KIF9: variants seen among roughly 807,000 people sequenced by gnomAD.
KIF9 encodes kinesin-like protein KIF9.
In KIF9, 68 loss-of-function variants were observed where a neutral mutation model predicts 94.8. The observed-to-expected ratio is 0.72, with a 90% CI of 0.59 to 0.88. The LOEUF is 0.88. KIF9 is among the 40% of genes least tolerant of loss of function. The probability of loss-of-function intolerance (pLI) is 0.00; values close to 1 mark genes in which losing one functional copy is unlikely to be tolerated. For synonymous variants in KIF9, 343 were observed against 362.1 expected (o/e 0.95, Z 0.60); for missense variants, 882 against 982.5 (o/e 0.90, Z 1.37).
At chr3:47,273,733 T>A (rs981607760) in intron 3 of KIF9, 75 bp from the exon 4 acceptor site, 2 of 1,325,782 alleles carry the variant, frequency 1.5e-6, no homozygotes, top group Non-Finnish European at 2.1e-6. Context: ...CCAGCATGCC[T>A]GGTGCCAGCC....
intron 20 of KIF9, 37 bp from the exon 21 acceptor site, chr3:47,228,739 G>C (rs200402501): frequency 6.4e-7 from 1 of 1,571,844 alleles, no homozygotes; most frequent in East Asian, 2.2e-5. Flanking sequence ...GAACTTATTA[G>C]GAGGGACAGA....
intron 10 of KIF9, among the ~76,000 whole-genome samples, chr3:47,250,178 A>T (rs1381360107): frequency 2.6e-5 from 4 of 152,116 alleles, no homozygotes; most frequent in African/African-American, 7.2e-5. Context: ...ACTTTCTGCA[A>T]TTATTGAAAT....
intron 3 of KIF9, among the ~76,000 whole-genome samples, chr3:47,275,026 C>T (rs1399449087): frequency 6.6e-6 from 1 of 152,174 alleles, no homozygotes; most frequent in Non-Finnish European, 1.5e-5. Context: ...TCAAATTTGT[C>T]ATAAAGACGT....
intron 18 of KIF9, 83 bp downstream of exon 18, chr3:47,236,359 AG>A (rs1177340715): frequency 1.4e-6 from 2 of 1,454,226 alleles, no homozygotes; most frequent in South Asian, 1.2e-5. Context: ...AGAAACTCTG[AG>A]GGTGCTTCCA....
intron 1 of KIF9, chr3:47,281,011 A>G: frequency 1.4e-6 from 1 of 703,058 alleles, no homozygotes; most frequent in Non-Finnish European, 2.6e-6. Flanking sequence ...CAGTTCCCAA[A>G]ATTAAATTAC....
chr3:47,242,121 C>T (rs1012992432), intron 16 of KIF9, among the ~76,000 whole-genome samples: 3 of 151,926 alleles, frequency 2.0e-5, no homozygotes, highest in Non-Finnish European at 4.4e-5. Flanking sequence ...TTTAAGCAAT[C>T]CTTTCGCCTT....
intron 9 of KIF9, among the ~76,000 whole-genome samples, chr3:47,260,905 G>A (rs1033557573): frequency 1.3e-5 from 2 of 152,224 alleles, no homozygotes; most frequent in South Asian, 2.1e-4. Flanking sequence ...TGAGGGAGGC[G>A]AGAGCCAGGT....
intron 3 of KIF9, among the ~76,000 whole-genome samples, chr3:47,274,870 C>T (rs1388009806): frequency 6.6e-6 from 1 of 152,252 alleles, no homozygotes; most frequent in Admixed American, 6.5e-5. Flanking sequence ...TCCTAGTCAG[C>T]AGCCACCAGA....
Position 47,236,572 on chromosome 3 carries a change from G to A in KIF9, c.1972C>T (p.Leu658=), listed in dbSNP as rs773949198. ...AGGTCTTTGAGCTTGAGGATCAGCAGGAATTCTTCCTCATCGATGATCATC... is the reference window on the plus strand; with the variant it reads ...AGGTCTTTGAGCTTGAGGATCAGCAAGAATTCTTCCTCATCGATGATCATC... ...GLMIIDEEEF[L]LILKLKDLKK... Residue 658 remains leucine, a synonymous_variant, in exon 18 of 21, where the codon CTG becomes TTG. Coordinates refer to ENST00000684063, the MANE Select transcript of KIF9 (RefSeq NM_182902.4). 6 of 1,613,892 alleles carry A rather than the reference G, an allele frequency of 3.7e-6. No homozygotes were observed. Among genetic ancestry groups the A allele is most frequent in the Non-Finnish European group, 4.2e-6 (5 of 1,180,002 alleles).
intron 20 of KIF9, 85 bp from the exon 21 acceptor site, chr3:47,228,787 C>G: frequency 9.8e-7 from 1 of 1,021,740 alleles, no homozygotes; most frequent in Non-Finnish European, 1.6e-6. Context: ...CACATTCACC[C>G]TATCATTCCT....
intron 15 of KIF9, chr3:47,244,172 CAT>C (rs1239754705): frequency 1.3e-5 from 2 of 152,678 alleles, no homozygotes; most frequent in Non-Finnish European, 2.9e-5. Flanking sequence ...GAGCGGTTCT[CAT>C]GTCTCACATG....
At chr3:47,282,271 C>T (rs1702428282) in intron 1 of KIF9, 1 of 985,588 alleles carries the variant, frequency 1.0e-6, no homozygotes, top group Non-Finnish European at 1.2e-6. Context: ...GACGTGGGAC[C>T]CCTTTGTGGG....
chr3:47,268,782 G>A (rs554054748), intron 5 of KIF9, among the ~76,000 whole-genome samples: 7 of 151,824 alleles, frequency 4.6e-5, no homozygotes, highest in Non-Finnish European at 7.4e-5. Context: ...ACAGGGTTTC[G>A]CCATGTTGCT....
At chr3:47,237,583 A>G (rs576464649) in intron 17 of KIF9, among the ~76,000 whole-genome samples, 36 of 152,314 alleles carry the variant, frequency 2.4e-4, no homozygotes, top group African/African-American at 7.9e-4. Flanking sequence ...CCTGCTCTCC[A>G]CTGCTCACAG....
intron 20 of KIF9, 145 bp downstream of exon 20, chr3:47,235,368 G>T: frequency 1.5e-6 from 1 of 648,704 alleles, no homozygotes; most frequent in Non-Finnish European, 2.7e-6. Flanking sequence ...AGTCTAGTTG[G>T]CAGAAGACAC....
At chr3:47,265,205 A>G (rs1175084568) in intron 8 of KIF9, among the ~76,000 whole-genome samples, 1 of 152,184 alleles carries the variant, frequency 6.6e-6, no homozygotes, top group Non-Finnish European at 1.5e-5. Flanking sequence ...AAAACAGCAG[A>G]GGAGAGATGA....
In KIF9 at chr3:47,276,862, G is replaced by T. The variant is rs534718218; in HGVS notation, c.93+420C>A. Among the ~76,000 whole-genome samples the T allele has an allele frequency of 3.3e-5, 5 of 152,248 alleles. No homozygotes were observed. In the East Asian group the frequency reaches 9.7e-4, roughly 29 times the overall value. On this transcript the variant is annotated intron_variant, in intron 2 of 20. Transcript: ENST00000684063. ...ATTCTCAGGGTGAGGATATAGGGAC[G>T]GATATATCTTTCCACTTCTCTTGAT...
At chr3:47,247,618 C>T (rs1037716606) in intron 11 of KIF9, 141 bp from the exon 12 acceptor site, 27 of 670,068 alleles carry the variant, frequency 4.0e-5, no homozygotes, top group African/African-American at 8.7e-5. Context: ...CCTTCATCAT[C>T]GGGTCCTGCC....
At chr3:47,239,806 T>G in intron 17 of KIF9, 1 of 1,367,162 alleles carries the variant, frequency 7.3e-7, no homozygotes, top group South Asian at 1.1e-5. Flanking sequence ...ATGATGCATC[T>G]GACTTGCAGG....
Sources: gnomAD v4.1 joint callset for allele counts (sites outside exome capture counted in the v4.1 genomes callset) on GRCh38, gnomAD v4.1.1 for gene constraint, MANE v1.5 for transcripts, NCBI Gene and HGNC (gene_info 2026-07-23, HGNC 2026-07-21) for gene names.